Variants in TBC1D22A observed in about 807,000 individuals in gnomAD.
TBC1D22A encodes putative GTPase activator.
TBC1D22A carries 38 observed loss-of-function variants against 60.2 expected under a neutral mutation model. The observed-to-expected ratio is 0.63, with a 90% confidence interval of 0.49 to 0.83. TBC1D22A has a LOEUF of 0.83. Ranked by LOEUF, TBC1D22A falls within the 40% of genes least tolerant of loss-of-function variation. The pLI, the probability that TBC1D22A is intolerant of heterozygous loss-of-function variation, is 0.00. For missense variants in TBC1D22A, 628 were observed against 701.0 expected, an observed-to-expected ratio of 0.90 and a Z score of 1.18; for synonymous variants, 302 against 281.7, an observed-to-expected ratio of 1.07 and a Z score of -0.72.
intron 1 of TBC1D22A, among the ~76,000 whole-genome samples, chr22:46,776,718 G>A (rs978872259): frequency 6.6e-6 from 1 of 151,996 alleles, no homozygotes; most frequent in East Asian, 1.9e-4. Context: ...GGACTGTCAG[G>A]AAGTGCTTGC....
chr22:46,867,960 A>G (rs1000048133), intron 4 of TBC1D22A, among the ~76,000 whole-genome samples: 1 of 152,200 alleles, frequency 6.6e-6, no homozygotes, highest in African/African-American at 2.4e-5. Flanking sequence ...AACAAAAACC[A>G]AAAAGCAAAA....
chr22:47,145,609 A>T (rs2067259419), intron 12 of TBC1D22A, among the ~76,000 whole-genome samples: 2 of 152,262 alleles, frequency 1.3e-5, no homozygotes, highest in African/African-American at 4.8e-5. Context: ...TCCTGGAGGC[A>T]TGCTAGGCAG....
chr22:46,953,436 A>C (rs2073024484), intron 8 of TBC1D22A, among the ~76,000 whole-genome samples: 1 of 152,038 alleles, frequency 6.6e-6, no homozygotes, highest in Admixed American at 6.6e-5. Context: ...CTTTTAAAGA[A>C]ATTATTTAAA....
At chr22:47,135,280 C>T (rs139250155) in intron 12 of TBC1D22A, among the ~76,000 whole-genome samples, 83 of 152,344 alleles carry the variant, frequency 5.4e-4, no homozygotes, top group African/African-American at 1.4e-3. Flanking sequence ...TGAGGGTCTG[C>T]GGTGGGTCCA....
chr22:46,842,455 GT>G (rs2086811217), intron 4 of TBC1D22A, among the ~76,000 whole-genome samples: 1 of 152,202 alleles, frequency 6.6e-6, no homozygotes, highest in African/African-American at 2.4e-5. Context: ...CTCTCTTTCT[GT>G]CTCTGTCTGT....
At chr22:47,152,980 G>C (rs954767338) in intron 12 of TBC1D22A, among the ~76,000 whole-genome samples, 1 of 152,178 alleles carries the variant, frequency 6.6e-6, no homozygotes, top group Non-Finnish European at 1.5e-5. Context: ...AATCACAGCC[G>C]ATTTCATTCT....
chr22:46,895,532 C>T (rs112892817), intron 7 of TBC1D22A, among the ~76,000 whole-genome samples: 2,407 of 152,198 alleles, frequency 0.016, 35 homozygotes, highest in South Asian at 0.032. Context: ...CCACCACGCC[C>T]GGCTAATTTT....
At chr22:46,839,695 A>G (rs2086669277) in intron 4 of TBC1D22A, among the ~76,000 whole-genome samples, 1 of 152,244 alleles carries the variant, frequency 6.6e-6, no homozygotes, top group East Asian at 1.9e-4. Flanking sequence ...ATTTCAAAAT[A>G]TGTTACAAAA....
intron 4 of TBC1D22A, among the ~76,000 whole-genome samples, chr22:46,877,836 A>T (rs1267842475): frequency 6.6e-6 from 1 of 152,240 alleles, no homozygotes; most frequent in Non-Finnish European, 1.5e-5. Flanking sequence ...CTAGACATTG[A>T]AATGGATTCT....
chr22:46,941,237 AGT>A (rs138969799), intron 8 of TBC1D22A, among the ~76,000 whole-genome samples: 1,680 of 141,210 alleles, frequency 0.012, 23 homozygotes, highest in African/African-American at 0.037. Context: ...ACACACACAC[AGT>A]CCACCCTTGA....
chr22:47,045,544 TAAG>T (rs983626398), intron 11 of TBC1D22A, among the ~76,000 whole-genome samples: 6 of 152,212 alleles, frequency 3.9e-5, no homozygotes, highest in Non-Finnish European at 8.8e-5. Flanking sequence ...TGACATTTCT[TAAG>T]GAGAGATTAA....
At chr22:46,881,835 G>A (rs897359032) in intron 5 of TBC1D22A, among the ~76,000 whole-genome samples, 1 of 152,202 alleles carries the variant, frequency 6.6e-6, no homozygotes, top group Non-Finnish European at 1.5e-5. Context: ...CTGTGTTGGT[G>A]AGCACTGATG....
intron 5 of TBC1D22A, among the ~76,000 whole-genome samples, chr22:46,888,387 G>A (rs2068226484): frequency 6.6e-6 from 1 of 152,250 alleles, no homozygotes; most frequent in Non-Finnish European, 1.5e-5. Context: ...GTCTACTACA[G>A]ATGGGGAAAC....
chr22:46,981,969 G>A lies in TBC1D22A; in HGVS notation c.1125+7570G>A, dbSNP rs149926107. Among the ~76,000 whole-genome samples the A allele has an allele frequency of 3.1e-4, 47 of 152,102 alleles. No individual in the cohort carries two copies. The East Asian group carries it at 9.1e-3, about 29-fold the overall frequency. On this transcript the variant is annotated intron_variant, in intron 9 of 12. Transcript: ENST00000337137. Reference sequence around the variant, plus strand: ...AATGGCAATACCAGCAGTTACTAGGGAGCCAGATAGACCAAGGTCTGGGTG... The same window carrying A: ...AATGGCAATACCAGCAGTTACTAGGAAGCCAGATAGACCAAGGTCTGGGTG...
chr22:46,815,646 A>C (rs921126268), intron 4 of TBC1D22A, among the ~76,000 whole-genome samples: 4 of 152,202 alleles, frequency 2.6e-5, no homozygotes, highest in Non-Finnish European at 5.9e-5. Context: ...TACTCGGAAA[A>C]TGTTTCTTAA....
chr22:47,051,176 C>T (rs970248933), intron 11 of TBC1D22A, among the ~76,000 whole-genome samples: 4 of 152,112 alleles, frequency 2.6e-5, no homozygotes, highest in African/African-American at 4.8e-5. Context: ...GGAGTGGGAG[C>T]AGGGAGGAGT....
chr22:46,955,082 G>C (rs937012926), intron 8 of TBC1D22A, among the ~76,000 whole-genome samples: 3 of 152,138 alleles, frequency 2.0e-5, no homozygotes, highest in Non-Finnish European at 2.9e-5. Flanking sequence ...CGTGAGTCTA[G>C]TAACAGTGTT....
intron 4 of TBC1D22A, among the ~76,000 whole-genome samples, chr22:46,860,316 C>T (rs1365673366): frequency 2.2e-5 from 1 of 44,704 alleles, no homozygotes; most frequent in Non-Finnish European, 3.7e-5. Context: ...GAGGTCCGTG[C>T]AGTGCTGTGC....
chr22:46,870,574 G>C (rs2067251484), intron 4 of TBC1D22A, among the ~76,000 whole-genome samples: 1 of 152,186 alleles, frequency 6.6e-6, no homozygotes, highest in Non-Finnish European at 1.5e-5. Flanking sequence ...AAGCTGAAAG[G>C]AAAGCTGTCT....
Sources: gnomAD v4.1 joint callset for allele counts (sites outside exome capture counted in the v4.1 genomes callset) on GRCh38, gnomAD v4.1.1 for gene constraint, MANE v1.5 for transcripts, NCBI Gene and HGNC (gene_info 2026-07-23, HGNC 2026-07-21) for gene names.